Variants in PPM1L observed in about 807,000 individuals in gnomAD.
The protein encoded by PPM1L is protein phosphatase, Mg2+/Mn2+ dependent 1L.
PPM1L carries 13 observed loss-of-function variants against 31.4 expected under a neutral mutation model. The observed-to-expected ratio is 0.41, with a 90% CI of 0.27 to 0.66. PPM1L has a LOEUF of 0.66. Ranked by LOEUF, PPM1L falls within the 30% of genes least tolerant of loss-of-function variation. The pLI is 0.29. For missense variants in PPM1L, 326 were observed against 453.7 expected (o/e 0.72, Z 2.56); for synonymous variants, 184 against 175.4 (o/e 1.05, Z -0.39).
intron 2 of PPM1L, among the ~76,000 whole-genome samples, chr3:160,995,743 C>A (rs987271679): frequency 6.6e-6 from 1 of 152,086 alleles, no homozygotes; most frequent in African/African-American, 2.4e-5. Context: ...GAGCAAAGGT[C>A]TTGAATAGAT....
chr3:160,881,261 C>T (rs1712702486), intron 1 of PPM1L, among the ~76,000 whole-genome samples: 1 of 152,090 alleles, frequency 6.6e-6, no homozygotes, highest in Non-Finnish European at 1.5e-5. Context: ...TATTATTGTT[C>T]TATTGTTACT....
At chr3:160,937,359 G>A (rs1385821110) in intron 1 of PPM1L, among the ~76,000 whole-genome samples, 2 of 152,122 alleles carry the variant, frequency 1.3e-5, no homozygotes, top group African/African-American at 2.4e-5. Context: ...GGTGGCTCAC[G>A]CCTGTAATCC....
chr3:160,919,556 T>C (rs1714314549), intron 1 of PPM1L, among the ~76,000 whole-genome samples: 1 of 152,222 alleles, frequency 6.6e-6, no homozygotes, highest in Non-Finnish European at 1.5e-5. Context: ...TTGCAAATAT[T>C]GCATTACTTG....
At chr3:161,013,077 G>A (rs1248251956) in intron 2 of PPM1L, among the ~76,000 whole-genome samples, 1 of 152,130 alleles carries the variant, frequency 6.6e-6, no homozygotes. Flanking sequence ...TTTTGAATGT[G>A]TTTGCTCTTG....
chr3:160,949,714 A>G (rs1287347505), intron 1 of PPM1L, among the ~76,000 whole-genome samples: 1 of 152,216 alleles, frequency 6.6e-6, no homozygotes, highest in Non-Finnish European at 1.5e-5. Flanking sequence ...CCTACCTGCT[A>G]GTTGCTCATA....
chr3:160,789,074 T>A (rs1225355417), intron 1 of PPM1L, among the ~76,000 whole-genome samples: 1 of 151,970 alleles, frequency 6.6e-6, no homozygotes, highest in Non-Finnish European at 1.5e-5. Context: ...TATCATTTAA[T>A]TTAGATAAAC....
chr3:160,814,599 G>A (rs1279532667), intron 1 of PPM1L, among the ~76,000 whole-genome samples: 2 of 129,962 alleles, frequency 1.5e-5, no homozygotes, highest in Admixed American at 1.4e-4. Context: ...ACATATGTAT[G>A]TATGTGTATA....
Position 160,819,361 on chromosome 3 carries a change from T to C in PPM1L, c.399+62654T>C, listed in dbSNP as rs181186062. 9.2e-5 allele frequency among the ~76,000 whole-genome samples: 14 copies of C among 152,082 alleles called. 1 individual carries two copies. Among genetic ancestry groups the C allele is most frequent in the African/African-American group, 3.1e-4 (13 of 41,516 alleles). ...TGGAGGTCTAGACTCTAGACCTAAG[T>C]TTTTGTTTTAATTCCAGCATTGTTG... On this transcript the variant is annotated intron_variant, in intron 1 of 3. Coordinates refer to ENST00000498165, the MANE Select transcript of PPM1L (RefSeq NM_139245.4).
At chr3:160,786,967 T>G (rs1200507207) in intron 1 of PPM1L, among the ~76,000 whole-genome samples, 2 of 152,200 alleles carry the variant, frequency 1.3e-5, no homozygotes, top group Non-Finnish European at 2.9e-5. Flanking sequence ...GTAGTCCATG[T>G]TATATAGGTA....
At chr3:160,880,667 C>A (rs187559181) in intron 1 of PPM1L, among the ~76,000 whole-genome samples, 2 of 151,992 alleles carry the variant, frequency 1.3e-5, no homozygotes, top group African/African-American at 4.8e-5. Context: ...ACTTAAATTT[C>A]TGTTTCTATC....
chr3:161,058,002 G>A (rs535932718), intron 2 of PPM1L, among the ~76,000 whole-genome samples: 3 of 151,752 alleles, frequency 2.0e-5, no homozygotes. Context: ...AGCTGAAAGG[G>A]GCCTGGAGGT....
chr3:160,889,456 G>A (rs1414622406), intron 1 of PPM1L, among the ~76,000 whole-genome samples: 1 of 152,202 alleles, frequency 6.6e-6, no homozygotes, highest in Non-Finnish European at 1.5e-5. Flanking sequence ...TCAGGAAGAA[G>A]TTGAATCCTT....
At chr3:160,923,393 C>T (rs943286093) in intron 1 of PPM1L, among the ~76,000 whole-genome samples, 2 of 152,110 alleles carry the variant, frequency 1.3e-5, no homozygotes, top group Non-Finnish European at 2.9e-5. Context: ...TCATAAAAAC[C>T]ATATGTGTTA....
intron 1 of PPM1L, among the ~76,000 whole-genome samples, chr3:160,887,897 G>T (rs1712979173): frequency 6.6e-6 from 1 of 152,052 alleles, no homozygotes; most frequent in Admixed American, 6.6e-5. Flanking sequence ...TTAAAGAAAA[G>T]AATTCTCAAC....
chr3:160,945,953 T>C (rs1715393596), intron 1 of PPM1L, among the ~76,000 whole-genome samples: 1 of 152,180 alleles, frequency 6.6e-6, no homozygotes, highest in South Asian at 2.1e-4. Context: ...ACAAAATATG[T>C]ATTAATCAAC....
At chr3:160,949,147 T>C (rs962729395) in intron 1 of PPM1L, among the ~76,000 whole-genome samples, 3 of 152,192 alleles carry the variant, frequency 2.0e-5, no homozygotes, top group African/African-American at 7.2e-5. Flanking sequence ...GAAACACTGA[T>C]GAAGCCCAGT....
At chr3:160,789,542 T>C (rs1712038409) in intron 1 of PPM1L, among the ~76,000 whole-genome samples, 1 of 152,034 alleles carries the variant, frequency 6.6e-6, no homozygotes, top group Non-Finnish European at 1.5e-5. Context: ...TTCTAGAATT[T>C]CATCTTCAAT....
At chr3:160,802,376 A>G (rs1290818240) in intron 1 of PPM1L, among the ~76,000 whole-genome samples, 1 of 152,168 alleles carries the variant, frequency 6.6e-6, no homozygotes, top group Non-Finnish European at 1.5e-5. Context: ...CTAGAAACCT[A>G]CAATCCGGCT....
intron 1 of PPM1L, among the ~76,000 whole-genome samples, chr3:160,843,951 A>T (rs1014769625): frequency 2.0e-5 from 3 of 152,226 alleles, no homozygotes; most frequent in African/African-American, 7.2e-5. Flanking sequence ...CTATGCAGCC[A>T]TAAAAAGTAT....
Sources: allele counts gnomAD v4.1 joint callset (sites outside exome capture counted in the v4.1 genomes callset), GRCh38; gene constraint gnomAD v4.1.1; transcripts MANE v1.5; gene names NCBI Gene and HGNC (gene_info 2026-07-23, HGNC 2026-07-21).